FRK: variants seen among roughly 807,000 people sequenced by gnomAD.
FRK encodes the protein fyn related Src family tyrosine kinase, also known as tyrosine-protein kinase FRK.
Under a neutral mutation model 56.4 loss-of-function variants are expected in FRK, and 51 were observed. The ratio of observed to expected loss-of-function variants is 0.90; its 90% confidence interval spans 0.72 to 1.14. The LOEUF is 1.14. FRK is among the 50% of genes most tolerant of loss of function. FRK has a pLI of 0.00. For synonymous variants in FRK, 245 were observed against 217.9 expected, an observed-to-expected ratio of 1.12 and a Z score of -1.10; for missense variants, 570 against 601.4, an observed-to-expected ratio of 0.95 and a Z score of 0.55.
At chr6:116,014,240 C>G (rs956945530) in intron 1 of FRK, among the ~76,000 whole-genome samples, 1 of 151,846 alleles carries the variant, frequency 6.6e-6, no homozygotes, top group Non-Finnish European at 1.5e-5. Context: ...AAAGATAAAG[C>G]AAAAGAAGGG....
chr6:116,085,384 T>A, the FRK span, among the ~76,000 whole-genome samples: 1 of 152,196 alleles, frequency 6.6e-6, no homozygotes, highest in South Asian at 2.1e-4. Flanking sequence ...TGAAAGGGGA[T>A]TTTCATTTTA....
intron 1 of FRK, among the ~76,000 whole-genome samples, chr6:116,023,218 G>T (rs1024473685): frequency 2.0e-5 from 3 of 152,204 alleles, no homozygotes; most frequent in Non-Finnish European, 4.4e-5. Flanking sequence ...GGCCTTTGGA[G>T]AAATATTTGG....
chr6:116,098,470 G>A, the FRK span, among the ~76,000 whole-genome samples: 9 of 152,148 alleles, frequency 5.9e-5, no homozygotes, highest in South Asian at 1.2e-3. Context: ...AAACTCTGGT[G>A]CCCCTTCCTC....
chr6:116,047,397 CTT>C (rs796192091), intron 1 of FRK, among the ~76,000 whole-genome samples: 23 of 137,876 alleles, frequency 1.7e-4, no homozygotes, highest in Non-Finnish European at 1.7e-4. Context: ...TCCACTTCCT[CTT>C]TTTTTTTTTT....
At chr6:116,004,124 G>T in intron 1 of FRK, 126 bp from the exon 2 acceptor site, 1 of 760,946 alleles carries the variant, frequency 1.3e-6, no homozygotes, top group South Asian at 1.9e-5. Flanking sequence ...ACTATTACAG[G>T]TATAAATGGT....
chr6:116,075,398 C>G, the FRK span, among the ~76,000 whole-genome samples: 2 of 150,858 alleles, frequency 1.3e-5, no homozygotes, highest in Non-Finnish European at 2.9e-5. Flanking sequence ...CAAAGTAAGC[C>G]CCCAAAAAAG....
intron 5 of FRK, among the ~76,000 whole-genome samples, chr6:115,953,400 G>A (rs1322175010): frequency 3.3e-5 from 5 of 151,266 alleles, no homozygotes; most frequent in Admixed American, 2.6e-4. Flanking sequence ...CGTTTTAGCC[G>A]GGATGGTCTC....
At chr6:115,958,716 A>G (rs1176708464) in intron 4 of FRK, among the ~76,000 whole-genome samples, 504 of 20,276 alleles carry the variant, frequency 0.025, 59 homozygotes, top group African/African-American at 0.096. Context: ...AGAAAGAAAG[A>G]AAGAAAGAAA....
Position 116,059,993 on chromosome 6 carries a change from C to A in FRK, c.319G>T (p.Glu107Ter). The A allele has an allele frequency of 6.2e-7, 1 of 1,614,136 alleles. No homozygotes were observed. The highest frequency in any genetic ancestry group is 8.5e-7 in the Non-Finnish European group (1 of 1,180,004). ...GGCTCTGCCTGTAGGCTTCTGTCCT[C>A]AGCCACGTAGTTAGAAGGAATATAG... ...QGYIPSNYVA[E>*]DRSLQAEPWF... Residue 107 changes from glutamate (E) to a stop codon, truncating the protein, a stop_gained, in exon 1 of 8, where the codon GAG becomes TAG. Transcript: ENST00000606080. LOFTEE classifies it high-confidence loss of function.
intron 2 of FRK, among the ~76,000 whole-genome samples, chr6:115,994,642 T>C (rs1774766688): frequency 6.6e-6 from 1 of 152,106 alleles, no homozygotes; most frequent in South Asian, 2.1e-4. Context: ...ATTGTGTCCC[T>C]TTCTCAAAAT....
chr6:116,077,344 A>G, the FRK span, among the ~76,000 whole-genome samples: 1 of 152,178 alleles, frequency 6.6e-6, no homozygotes, highest in Non-Finnish European at 1.5e-5. Flanking sequence ...GCCTGTGAAA[A>G]TGCACCCTAA....
intron 2 of FRK, among the ~76,000 whole-genome samples, chr6:115,985,120 T>C (rs1774342641): frequency 6.6e-6 from 1 of 152,152 alleles, no homozygotes; most frequent in Admixed American, 6.6e-5. Flanking sequence ...TCATCTTCTC[T>C]AAGCCTCAGT....
chr6:115,943,795 C>T (rs942515792), intron 6 of FRK, among the ~76,000 whole-genome samples: 1 of 152,024 alleles, frequency 6.6e-6, no homozygotes, highest in African/African-American at 2.4e-5. Context: ...TATTATATCT[C>T]CTATATAGTA....
At chr6:116,034,551 T>C (rs926922741) in intron 1 of FRK, among the ~76,000 whole-genome samples, 4 of 152,082 alleles carry the variant, frequency 2.6e-5, no homozygotes, top group African/African-American at 4.8e-5. Flanking sequence ...AAAATTCAGA[T>C]TGTGGGAAAT....
At chr6:116,072,191 T>C in the FRK span, among the ~76,000 whole-genome samples, 3 of 152,166 alleles carry the variant, frequency 2.0e-5, no homozygotes, top group Admixed American at 6.6e-5. Context: ...CACTCTATTA[T>C]ACACAAGAGT....
chr6:115,967,578 G>T lies in FRK; in HGVS notation c.772C>A (p.Pro258Thr), dbSNP rs1234928702. 4 of 1,613,262 alleles carry T rather than the reference G, an allele frequency of 2.5e-6. No homozygotes were observed. The South Asian group carries it at 4.4e-5, about 18-fold the overall frequency. Residue 258 changes from proline to threonine, a missense_variant, in exon 4 of 8, where the codon CCA (proline) becomes ACA (threonine). Transcript: ENST00000606080. Reference protein sequence around the residue: ...VWEGLWNNTTPVAVKTLKPGS... With the variant: ...VWEGLWNNTTTVAVKTLKPGS... ...GGTTTTAATGTTTTCACTGCTACTG[G>T]AGTGGTATTGTTCCACAGACCTTCC...
chr6:115,975,287 C>T (rs1773951778), intron 2 of FRK, among the ~76,000 whole-genome samples: 1 of 151,630 alleles, frequency 6.6e-6, no homozygotes, highest in Non-Finnish European at 1.5e-5. Context: ...ATATATGGTT[C>T]CTTCAAGTTT....
intron 5 of FRK, among the ~76,000 whole-genome samples, chr6:115,954,811 T>G (rs572445331): frequency 6.6e-6 from 1 of 152,226 alleles, no homozygotes; most frequent in Non-Finnish European, 1.5e-5. Context: ...CTGTCACTTC[T>G]GGTCAGAAGC....
chr6:116,086,398 A>T, the FRK span, among the ~76,000 whole-genome samples: 1 of 152,188 alleles, frequency 6.6e-6, no homozygotes, highest in Non-Finnish European at 1.5e-5. Context: ...TTTCTATGTG[A>T]TGTACTATTT....
Sources: allele counts gnomAD v4.1 joint callset (sites outside exome capture counted in the v4.1 genomes callset), GRCh38; gene constraint gnomAD v4.1.1; transcripts MANE v1.5; gene names NCBI Gene and HGNC (gene_info 2026-07-23, HGNC 2026-07-21).